The following BMP5 variants were observed in gnomAD, a reference collection of about 807,000 sequenced individuals.
BMP5 encodes the protein bone morphogenetic protein 5.
In BMP5, 23 loss-of-function variants were observed where a neutral mutation model predicts 46.6. The observed-to-expected ratio is 0.49, with a 90% CI of 0.35 to 0.70. The LOEUF is 0.70. Among genes scored for constraint, BMP5 ranks in the 30% least tolerant of loss-of-function variants. BMP5 has a pLI of 0.00. For missense variants in BMP5, 545 were observed against 565.6 expected (o/e 0.96, Z 0.37); for synonymous variants, 204 against 191.9 (o/e 1.06, Z -0.52).
Position 55,848,455 on chromosome 6 carries a change from C to T in BMP5, c.490+25921G>A, listed in dbSNP as rs535842273. On this transcript the variant is annotated intron_variant, in intron 1 of 6. Coordinates refer to ENST00000370830, the MANE Select transcript of BMP5 (RefSeq NM_021073.4). ...ATATTATTCATATATTCAATATATACATACATTTATACACATACATGTAAG... is the reference window on the plus strand; with the variant it reads ...ATATTATTCATATATTCAATATATATATACATTTATACACATACATGTAAG... Among the ~76,000 whole-genome samples, 4 of 152,010 alleles carry T rather than the reference C, an allele frequency of 2.6e-5. No individual in the cohort carries two copies. In the South Asian group the frequency reaches 6.2e-4, roughly 24 times the overall value.
chr6:55,782,866 TTAAAA>T (rs1472477260), intron 3 of BMP5, among the ~76,000 whole-genome samples: 1 of 152,102 alleles, frequency 6.6e-6, no homozygotes, highest in Non-Finnish European at 1.5e-5. Context: ...TGTTATCCTC[TTAAAA>T]TAAGGCTCAA....
intron 1 of BMP5, among the ~76,000 whole-genome samples, chr6:55,835,915 G>A (rs551098461): frequency 1.3e-5 from 2 of 152,288 alleles, no homozygotes; most frequent in South Asian, 4.1e-4. Flanking sequence ...AACAGCATTA[G>A]TTTGGAACTA....
chr6:55,864,616 C>CA (rs759668607), intron 1 of BMP5, among the ~76,000 whole-genome samples: 1 of 152,118 alleles, frequency 6.6e-6, no homozygotes, highest in Non-Finnish European at 1.5e-5. Flanking sequence ...TATTGTGTTA[C>CA]ATCAACACAA....
intron 4 of BMP5, 26 bp downstream of exon 4, chr6:55,774,023 T>C (rs1233489227): frequency 6.2e-7 from 1 of 1,609,564 alleles, no homozygotes; most frequent in Non-Finnish European, 8.5e-7. Context: ...TCTCTGTGCA[T>C]AACTGCTGCT....
At chr6:55,796,459 A>G (rs947215983) in intron 2 of BMP5, among the ~76,000 whole-genome samples, 16 of 151,648 alleles carry the variant, frequency 1.1e-4, no homozygotes, top group Admixed American at 1.1e-3. Flanking sequence ...GTTTAAATGT[A>G]TATATATATA....
chr6:55,820,249 G>C lies in BMP5; in HGVS notation c.491-402C>G, dbSNP rs547346437. On this transcript the variant is annotated intron_variant, in intron 1 of 6. Transcript: ENST00000370830. Reference sequence around the variant, plus strand: ...GACTGGAGAGACAGCACAGCCATGGGAGGGAAATGGGAAAGAGGACTGAGT... The same window carrying C: ...GACTGGAGAGACAGCACAGCCATGGCAGGGAAATGGGAAAGAGGACTGAGT... Among the ~76,000 whole-genome samples, 92 of 152,254 alleles carry C rather than the reference G, an allele frequency of 6.0e-4. 1 individual carries two copies. The highest frequency in any genetic ancestry group is 2.2e-3 in the African/African-American group (91 of 41,560).
At chr6:55,871,391 G>A (rs1777785112) in intron 1 of BMP5, among the ~76,000 whole-genome samples, 2 of 151,832 alleles carry the variant, frequency 1.3e-5, no homozygotes, top group Non-Finnish European at 3.0e-5. Flanking sequence ...TAATGAATAT[G>A]ATCGAAGGAA....
intron 3 of BMP5, among the ~76,000 whole-genome samples, chr6:55,786,147 A>ATCTTAAG (rs1365971913): frequency 2.0e-5 from 3 of 151,692 alleles, no homozygotes; most frequent in African/African-American, 7.2e-5. Context: ...TTTATACCAT[A>ATCTTAAG]TCTTAAGTTG....
rs547218499 is a variant in BMP5, at chr6:55,793,425, C to T, written c.832+854G>A. Among the ~76,000 whole-genome samples the T allele has an allele frequency of 2.0e-5, 3 of 152,320 alleles. No individual in the cohort carries two copies. The South Asian group carries it at 6.2e-4, about 32-fold the overall frequency. ...TGTGTTATTACTACCTCGTGCATCA[C>T]TCAAATGCAAGTCTCATAAAGCCAT... On this transcript the variant is annotated intron_variant, in intron 3 of 6. Coordinates refer to ENST00000370830, the MANE Select transcript of BMP5 (RefSeq NM_021073.4).
chr6:55,853,670 A>G (rs1014227612), intron 1 of BMP5, among the ~76,000 whole-genome samples: 1 of 152,184 alleles, frequency 6.6e-6, no homozygotes, highest in African/African-American at 2.4e-5. Context: ...TATTTTCATA[A>G]TATGTATGTA....
chr6:55,794,513 C>A (rs867766874), intron 2 of BMP5, 86 bp from the exon 3 acceptor site: 1 of 1,356,034 alleles, frequency 7.4e-7, no homozygotes. Flanking sequence ...ATTACAAAAG[C>A]AGTTTGTAAA....
chr6:55,848,763 A>C (rs1378169746), intron 1 of BMP5, among the ~76,000 whole-genome samples: 2 of 152,116 alleles, frequency 1.3e-5, no homozygotes, highest in East Asian at 3.9e-4. Flanking sequence ...AATATGAGCC[A>C]GGTATCAGGT....
rs375568476 is a variant in BMP5, at chr6:55,809,790, C to A, written c.683+9865G>T. The stretch of plus-strand genomic sequence containing the variant: ...GTCCAGAAAAGCTTTAAGAAATTAT[C>A]TAGAAGCTACACAGACAAATTTTAG... On this transcript the variant is annotated intron_variant, in intron 2 of 6. Coordinates refer to ENST00000370830, the MANE Select transcript of BMP5 (RefSeq NM_021073.4). Among the ~76,000 whole-genome samples the A allele has an allele frequency of 8.8e-4, 134 of 152,178 alleles. 2 individuals are homozygous for A. The South Asian group carries it at 0.026, about 30-fold the overall frequency.
At chr6:55,810,640 A>G (rs1376942351) in intron 2 of BMP5, among the ~76,000 whole-genome samples, 2 of 152,240 alleles carry the variant, frequency 1.3e-5, no homozygotes, top group African/African-American at 4.8e-5. Context: ...TATGAGTCTT[A>G]TGATCCAAAA....
At chr6:55,802,542 A>G (rs1775874159) in intron 2 of BMP5, among the ~76,000 whole-genome samples, 1 of 152,140 alleles carries the variant, frequency 6.6e-6, no homozygotes, top group African/African-American at 2.4e-5. Flanking sequence ...GATTTACCTT[A>G]CTAGATAAGG....
At chr6:55,836,607 C>T (rs529538019) in intron 1 of BMP5, among the ~76,000 whole-genome samples, 3 of 147,462 alleles carry the variant, frequency 2.0e-5, no homozygotes, top group South Asian at 2.1e-4. Context: ...ACCCCACCAA[C>T]ACACACACAA....
chr6:55,844,057 A>T (rs752354234), intron 1 of BMP5, among the ~76,000 whole-genome samples: 27 of 152,140 alleles, frequency 1.8e-4, no homozygotes, highest in Non-Finnish European at 2.4e-4. Flanking sequence ...TTTATAATAC[A>T]GGAAGGGTTG....
intron 3 of BMP5, among the ~76,000 whole-genome samples, chr6:55,789,139 G>A (rs1008724788): frequency 6.6e-6 from 1 of 151,658 alleles, no homozygotes; most frequent in Non-Finnish European, 1.5e-5. Flanking sequence ...CTGACAAAAC[G>A]ACATTTTGAT....
chr6:55,833,095 G>T (rs116474928), intron 1 of BMP5, among the ~76,000 whole-genome samples: 1 of 152,080 alleles, frequency 6.6e-6, no homozygotes, highest in Admixed American at 6.6e-5. Flanking sequence ...CAGCCTGTGC[G>T]ACAGAGCAAG....
Sources: gnomAD v4.1 joint callset for allele counts (sites outside exome capture counted in the v4.1 genomes callset) on GRCh38, gnomAD v4.1.1 for gene constraint, MANE v1.5 for transcripts, NCBI Gene and HGNC (gene_info 2026-07-23, HGNC 2026-07-21) for gene names.